The following GPAT3 variants were observed in gnomAD, a reference collection of about 807,000 sequenced individuals.
GPAT3 encodes the protein glycerol-3-phosphate acyltransferase 3.
In GPAT3, 53 loss-of-function variants were observed where a neutral mutation model predicts 58.8. That is an observed-to-expected ratio of 0.90 (90% CI 0.72 to 1.13). The LOEUF is 1.13. GPAT3 is among the 50% of genes most tolerant of loss of function. The pLI is 0.00. For missense variants in GPAT3, 511 were observed against 527.6 expected (o/e 0.97, Z 0.31); for synonymous variants, 197 against 187.4 (o/e 1.05, Z -0.42).
chr4:83,573,419 A>C (rs1725673975), intron 2 of GPAT3, among the ~76,000 whole-genome samples: 1 of 152,194 alleles, frequency 6.6e-6, no homozygotes, highest in African/African-American at 2.4e-5. Flanking sequence ...GATTACAGGC[A>C]TGAGCCACTG....
chr4:83,589,202 C>T (rs1726496872), intron 5 of GPAT3, among the ~76,000 whole-genome samples: 1 of 152,170 alleles, frequency 6.6e-6, no homozygotes, highest in Non-Finnish European at 1.5e-5. Context: ...AGAGGAGTTC[C>T]TAACTTCTTA....
intron 2 of GPAT3, among the ~76,000 whole-genome samples, chr4:83,554,056 A>ATCAC (rs941059958): frequency 6.6e-6 from 1 of 152,074 alleles, no homozygotes; most frequent in African/African-American, 2.4e-5. Context: ...AGTGGTAAGG[A>ATCAC]TCACTGCTCA....
chr4:83,556,470 C>T (rs1724944314), intron 2 of GPAT3, among the ~76,000 whole-genome samples: 1 of 151,536 alleles, frequency 6.6e-6, no homozygotes, highest in African/African-American at 2.4e-5. Flanking sequence ...TGCACTCCAG[C>T]CTGGGTGACA....
intron 4 of GPAT3, among the ~76,000 whole-genome samples, chr4:83,587,831 A>C (rs1211285157): frequency 6.6e-6 from 1 of 152,192 alleles, no homozygotes; most frequent in Non-Finnish European, 1.5e-5. Flanking sequence ...AATTGAAAGA[A>C]GTTGTTTTTT....
chr4:83,535,624 G>A, upstream of GPAT3: 2 of 823,614 alleles, frequency 2.4e-6, no homozygotes, highest in Non-Finnish European at 2.9e-6. Context: ...CAGATACTTA[G>A]CCGCAGGGTT....
At chr4:83,567,350 A>G (rs1017490299) in intron 2 of GPAT3, among the ~76,000 whole-genome samples, 1 of 152,170 alleles carries the variant, frequency 6.6e-6, no homozygotes, top group African/African-American at 2.4e-5. Context: ...TTAAATTAAG[A>G]GTGAATGTTG....
At chr4:83,564,718 A>C (rs965455121) in intron 2 of GPAT3, among the ~76,000 whole-genome samples, 1 of 151,924 alleles carries the variant, frequency 6.6e-6, no homozygotes, top group Non-Finnish European at 1.5e-5. Flanking sequence ...AAAAAAAAGG[A>C]TTAGCTTTTG....
chr4:83,545,569 A>C (rs538845259), intron 2 of GPAT3, among the ~76,000 whole-genome samples: 173 of 152,342 alleles, frequency 1.1e-3, no homozygotes, highest in African/African-American at 4.1e-3. Context: ...AAAATATTTG[A>C]AAACATTGGA....
intron 2 of GPAT3, among the ~76,000 whole-genome samples, chr4:83,546,040 G>T (rs1026924080): frequency 2.0e-5 from 3 of 151,976 alleles, no homozygotes; most frequent in Non-Finnish European, 2.9e-5. Context: ...GCTGGAGTGC[G>T]GTGGCGAGAT....
At chr4:83,590,111 C>T (rs1027985747) in intron 5 of GPAT3, 88 bp from the exon 6 acceptor site, 5 of 1,204,252 alleles carry the variant, frequency 4.2e-6, no homozygotes, top group Non-Finnish European at 6.0e-6. Context: ...CATATATACA[C>T]ACACACACAC....
At chr4:83,545,484 A>G (rs1724473844) in intron 2 of GPAT3, among the ~76,000 whole-genome samples, 1 of 151,966 alleles carries the variant, frequency 6.6e-6, no homozygotes, top group Admixed American at 6.6e-5. Context: ...ACTTTACTGG[A>G]AGGAATTTAT....
intron 1 of GPAT3, among the ~76,000 whole-genome samples, chr4:83,540,911 G>A (rs1477455888): frequency 6.6e-6 from 1 of 151,784 alleles, no homozygotes; most frequent in Non-Finnish European, 1.5e-5. Context: ...GCTGGTCTCC[G>A]ACTCTTGTCC....
At chr4:83,543,283 C>T (rs6842648) in intron 1 of GPAT3, among the ~76,000 whole-genome samples, 51,948 of 151,998 alleles carry the variant, frequency 0.34, 9,825 homozygotes, top group Middle Eastern at 0.5. Context: ...GTCTCTGCCC[C>T]TTCAAGGGTG....
intron 2 of GPAT3, among the ~76,000 whole-genome samples, chr4:83,567,857 A>G (rs899143361): frequency 6.6e-6 from 1 of 152,146 alleles, no homozygotes; most frequent in African/African-American, 2.4e-5. Context: ...GCTGCCTGCA[A>G]CATTATTTCA....
At chr4:83,594,341 A>G (rs1241393442) in intron 6 of GPAT3, among the ~76,000 whole-genome samples, 1 of 152,230 alleles carries the variant, frequency 6.6e-6, no homozygotes, top group Non-Finnish European at 1.5e-5. Context: ...TGTTGGAAGT[A>G]TATCTTCAGG....
intron 2 of GPAT3, among the ~76,000 whole-genome samples, chr4:83,560,147 T>C (rs1159073373): frequency 6.6e-6 from 1 of 152,162 alleles, no homozygotes; most frequent in East Asian, 1.9e-4. Context: ...CCTCCAAAGA[T>C]TGGGCTGGTG....
intron 5 of GPAT3, among the ~76,000 whole-genome samples, chr4:83,589,490 C>T (rs1560627852): frequency 6.6e-6 from 1 of 152,148 alleles, no homozygotes; most frequent in Non-Finnish European, 1.5e-5. Context: ...TTGTGACAAG[C>T]ATTGTCTGGC....
At chr4:83,573,068 G>A (rs1368335074) in intron 2 of GPAT3, among the ~76,000 whole-genome samples, 1 of 152,190 alleles carries the variant, frequency 6.6e-6, no homozygotes, top group African/African-American at 2.4e-5. Flanking sequence ...GAGATCAGTT[G>A]TATATTCCTG....
intron 2 of GPAT3, among the ~76,000 whole-genome samples, chr4:83,550,085 C>T (rs1319535794): frequency 6.6e-6 from 1 of 151,946 alleles, no homozygotes; most frequent in African/African-American, 2.4e-5. Context: ...TCTTGAACTC[C>T]TCAGGATGGT....
Sources: allele counts gnomAD v4.1 joint callset (sites outside exome capture counted in the v4.1 genomes callset), GRCh38; gene constraint gnomAD v4.1.1; transcripts MANE v1.5; gene names NCBI Gene and HGNC (gene_info 2026-07-23, HGNC 2026-07-21).